DLC1: variants seen among roughly 807,000 people sequenced by gnomAD.
The protein encoded by DLC1 is rho GTPase-activating protein 7.
Under a neutral mutation model 140.3 loss-of-function variants are expected in DLC1, and 54 were observed. That is an observed-to-expected ratio of 0.38 (90% CI 0.31 to 0.48). DLC1 has a LOEUF of 0.48. Ranked by LOEUF, DLC1 falls within the 20% of genes least tolerant of loss-of-function variation. The probability of loss-of-function intolerance (pLI) is 0.96; values close to 1 mark genes in which losing one functional copy is unlikely to be tolerated. For missense variants in DLC1, 2,536 were observed against 1,907.0 expected, an observed-to-expected ratio of 1.33 and a Z score of -6.14; for synonymous variants, 986 against 728.1, an observed-to-expected ratio of 1.35 and a Z score of -5.70.
At chr8:13,204,296 C>T (rs1329307309) in intron 5 of DLC1, among the ~76,000 whole-genome samples, 1 of 152,052 alleles carries the variant, frequency 6.6e-6, no homozygotes, top group Non-Finnish European at 1.5e-5. Flanking sequence ...AGACGGAGTG[C>T]AAAACCAAAC....
intron 5 of DLC1, among the ~76,000 whole-genome samples, chr8:13,176,349 T>A (rs1398293620): frequency 6.6e-6 from 1 of 152,074 alleles, no homozygotes; most frequent in Non-Finnish European, 1.5e-5. Context: ...GAGGCCGAGG[T>A]GGGTGGATCA....
At chr8:13,355,817 G>T (rs970003537) in intron 4 of DLC1, among the ~76,000 whole-genome samples, 2 of 151,884 alleles carry the variant, frequency 1.3e-5, no homozygotes, top group Admixed American at 1.3e-4. Context: ...CAGCATGGTG[G>T]CTCACACCTG....
intron 2 of DLC1, among the ~76,000 whole-genome samples, chr8:13,456,981 G>A (rs1040342961): frequency 3.3e-5 from 5 of 152,178 alleles, no homozygotes; most frequent in Non-Finnish European, 5.9e-5. Flanking sequence ...CACTGGAAAC[G>A]TCCAGTTGTA....
chr8:13,567,692 A>G (rs1399180238), intron 1 of DLC1: 16 of 1,551,902 alleles, frequency 1.0e-5, no homozygotes, highest in African/African-American at 4.1e-5. Flanking sequence ...ATAGATGAAC[A>G]TCTTCATACC....
intron 2 of DLC1, among the ~76,000 whole-genome samples, chr8:13,451,743 C>T (rs886870597): frequency 7.9e-5 from 12 of 152,136 alleles, no homozygotes; most frequent in African/African-American, 2.9e-4. Context: ...GTATATGGGG[C>T]ACATGTTCTT....
At chr8:13,443,976 G>A (rs769605600) in intron 2 of DLC1, among the ~76,000 whole-genome samples, 4 of 152,112 alleles carry the variant, frequency 2.6e-5, no homozygotes, top group Non-Finnish European at 5.9e-5. Flanking sequence ...AATCCACAAA[G>A]CATTGTATGA....
intron 1 of DLC1, among the ~76,000 whole-genome samples, chr8:13,550,319 C>A (rs1803802624): frequency 6.6e-6 from 1 of 152,078 alleles, no homozygotes; most frequent in Non-Finnish European, 1.5e-5. Flanking sequence ...TCCTTGCTTC[C>A]CCTTTGTCTT....
intron 5 of DLC1, among the ~76,000 whole-genome samples, chr8:13,289,727 G>A (rs73665939): frequency 1.3e-5 from 2 of 152,208 alleles, no homozygotes; most frequent in South Asian, 4.1e-4. Context: ...GGTATACAAC[G>A]CTAGAGAATT....
intron 2 of DLC1, among the ~76,000 whole-genome samples, chr8:13,492,394 A>G (rs1466825016): frequency 6.6e-6 from 1 of 151,906 alleles, no homozygotes; most frequent in Admixed American, 6.6e-5. Context: ...CTACATATTC[A>G]CTTTTTGTCA....
chr8:13,180,926 T>G (rs111907630), intron 5 of DLC1, among the ~76,000 whole-genome samples: 20 of 152,314 alleles, frequency 1.3e-4, no homozygotes, highest in African/African-American at 3.6e-4. Context: ...ATTCAGAATT[T>G]CTACTTCTTA....
intron 5 of DLC1, among the ~76,000 whole-genome samples, chr8:13,290,040 G>A (rs1831697821): frequency 6.6e-6 from 1 of 150,502 alleles, no homozygotes; most frequent in Non-Finnish European, 1.5e-5. Context: ...TTCTGTACAG[G>A]TAGTGTCTTC....
chr8:13,453,584 A>T (rs1244024695), intron 2 of DLC1, among the ~76,000 whole-genome samples: 2 of 127,344 alleles, frequency 1.6e-5, no homozygotes, highest in Non-Finnish European at 3.2e-5. Context: ...TCAGATAGAA[A>T]TGTTTACTGA....
At chr8:13,200,262 C>T (rs1435880432) in intron 5 of DLC1, among the ~76,000 whole-genome samples, 1 of 151,818 alleles carries the variant, frequency 6.6e-6, no homozygotes. Flanking sequence ...CGGGGTTTCA[C>T]TATGTTGGCC....
At chr8:13,320,607 T>A (rs955613155) in intron 4 of DLC1, among the ~76,000 whole-genome samples, 7 of 152,062 alleles carry the variant, frequency 4.6e-5, no homozygotes, top group Admixed American at 1.3e-4. Context: ...GGAGGTGGGG[T>A]CTCATGGGAG....
At position 13,083,604 on chromosome 8, in the gene DLC1, T is replaced by C. The variant is rs1817317808; in HGVS notation, c.*2207A>G. On this transcript the variant is annotated 3_prime_UTR_variant, in exon 18 of 18. Coordinates refer to ENST00000276297, the MANE Select transcript of DLC1 (RefSeq NM_182643.3). ...TAAACAGTGGGAAAGAGAACTTTTG[T>C]GGCATTCACTGGTGACCCTGACTCT... The C allele has an allele frequency of 6.6e-6, 1 of 152,650 alleles. No individual in the cohort carries two copies. Among genetic ancestry groups the C allele is most frequent in the Non-Finnish European group, 1.5e-5 (1 of 68,052 alleles). 9.5% of individuals were successfully genotyped at this position (152,650 alleles called of 1,614,324 possible).
At chr8:13,264,009 A>C in intron 5 of DLC1, among the ~76,000 whole-genome samples, 1 of 151,826 alleles carries the variant, frequency 6.6e-6, no homozygotes, top group Admixed American at 6.6e-5. Flanking sequence ...ATGAATAAGT[A>C]AATTAGGGCA....
intron 2 of DLC1, among the ~76,000 whole-genome samples, chr8:13,414,164 C>T (rs188906330): frequency 5.0e-4 from 76 of 152,048 alleles, no homozygotes; most frequent in African/African-American, 1.6e-3. Context: ...ATCTTTTTAC[C>T]TTTGTTGAAT....
At chr8:13,403,316 A>G (rs941298844) in intron 2 of DLC1, among the ~76,000 whole-genome samples, 3 of 152,192 alleles carry the variant, frequency 2.0e-5, no homozygotes, top group Non-Finnish European at 2.9e-5. Context: ...CCTCACTGCT[A>G]CAGAGCTTTG....
At chr8:13,480,116 T>C (rs1434174792) in intron 2 of DLC1, among the ~76,000 whole-genome samples, 1 of 152,132 alleles carries the variant, frequency 6.6e-6, no homozygotes, top group Non-Finnish European at 1.5e-5. Context: ...CAGTGTGACA[T>C]ATAGATCTTC....
Sources: gnomAD v4.1 joint callset for allele counts (sites outside exome capture counted in the v4.1 genomes callset) on GRCh38, gnomAD v4.1.1 for gene constraint, MANE v1.5 for transcripts, NCBI Gene and HGNC (gene_info 2026-07-23, HGNC 2026-07-21) for gene names.